The following CLYBL variants were observed in gnomAD, a reference collection of about 807,000 sequenced individuals.
CLYBL encodes the protein citramalyl-CoA lyase.
CLYBL carries 31 observed loss-of-function variants against 38.9 expected under a neutral mutation model. The observed-to-expected ratio is 0.80, with a 90% confidence interval of 0.60 to 1.08. The LOEUF (loss-of-function observed/expected upper bound fraction) is 1.08. Among genes scored for constraint, CLYBL ranks in the 50% least tolerant of loss-of-function variants. CLYBL has a pLI of 0.00. For missense variants in CLYBL, 434 were observed against 411.6 expected, an observed-to-expected ratio of 1.05 and a Z score of -0.47; for synonymous variants, 171 against 158.6, an observed-to-expected ratio of 1.08 and a Z score of -0.59.
chr13:99,715,464 G>A (rs957990453), intron 1 of CLYBL, among the ~76,000 whole-genome samples: 2 of 147,208 alleles, frequency 1.4e-5, no homozygotes, highest in Admixed American at 1.4e-4. Context: ...GTGCAGTGGT[G>A]TGATCTCAAC....
chr13:99,748,453 T>G (rs1193661076), intron 1 of CLYBL, among the ~76,000 whole-genome samples: 1 of 140,004 alleles, frequency 7.1e-6, no homozygotes, highest in East Asian at 2.1e-4. Context: ...TTTTTTTTTT[T>G]TTTTGAGATG....
At chr13:99,844,930 A>AT (rs2051164868) in intron 2 of CLYBL, among the ~76,000 whole-genome samples, 1 of 152,028 alleles carries the variant, frequency 6.6e-6, no homozygotes, top group Non-Finnish European at 1.5e-5. Flanking sequence ...GTACAATTCC[A>AT]TTTTTTCCAT....
intron 1 of CLYBL, among the ~76,000 whole-genome samples, chr13:99,662,226 C>T (rs2047418951): frequency 6.6e-6 from 1 of 152,202 alleles, no homozygotes; most frequent in South Asian, 2.1e-4. Flanking sequence ...TAAGATCCCT[C>T]TCAGCACAGA....
chr13:99,747,658 G>C (rs1193759636), intron 1 of CLYBL, among the ~76,000 whole-genome samples: 1 of 152,136 alleles, frequency 6.6e-6, no homozygotes, highest in African/African-American at 2.4e-5. Flanking sequence ...CTGGGACTTC[G>C]CTGACATAAG....
intron 1 of CLYBL, among the ~76,000 whole-genome samples, chr13:99,632,053 T>G (rs1469447869): frequency 6.6e-6 from 1 of 152,130 alleles, no homozygotes; most frequent in African/African-American, 2.4e-5. Context: ...CAAAGCTAAT[T>G]AAGTGGCCAA....
intron 1 of CLYBL, among the ~76,000 whole-genome samples, chr13:99,661,883 T>A (rs1457533265): frequency 6.6e-6 from 1 of 152,192 alleles, no homozygotes; most frequent in African/African-American, 2.4e-5. Flanking sequence ...CAGAGCACAA[T>A]AGCCTGTCAG....
intron 1 of CLYBL, among the ~76,000 whole-genome samples, chr13:99,624,940 T>C (rs930032867): frequency 6.6e-6 from 1 of 152,318 alleles, no homozygotes; most frequent in Middle Eastern, 3.4e-3. Context: ...TTTTTGGTTT[T>C]TCCCCAACTC....
chr13:99,619,856 A>G (rs1038097257), intron 1 of CLYBL, among the ~76,000 whole-genome samples: 3 of 152,212 alleles, frequency 2.0e-5, no homozygotes, highest in South Asian at 2.1e-4. Flanking sequence ...TAAAAAGTAT[A>G]TAGCTTTTTG....
intron 1 of CLYBL, among the ~76,000 whole-genome samples, chr13:99,655,108 C>G (rs2047311662): frequency 6.7e-6 from 1 of 149,100 alleles, no homozygotes; most frequent in Non-Finnish European, 1.5e-5. Flanking sequence ...CGGAGTCTTG[C>G]TGTGTCATCC....
intron 2 of CLYBL, among the ~76,000 whole-genome samples, chr13:99,776,309 A>G (rs1368856005): frequency 6.6e-6 from 1 of 151,846 alleles, no homozygotes; most frequent in Non-Finnish European, 1.5e-5. Context: ...AGCCTGGGCA[A>G]CATGGCAAAA....
intron 1 of CLYBL, among the ~76,000 whole-genome samples, chr13:99,610,114 G>A (rs2046603682): frequency 6.6e-6 from 1 of 152,158 alleles, no homozygotes; most frequent in Non-Finnish European, 1.5e-5. Context: ...TGTTGCCAAG[G>A]GTGGTCTTGA....
chr13:99,687,014 C>A (rs987474675), intron 1 of CLYBL, among the ~76,000 whole-genome samples: 7 of 152,148 alleles, frequency 4.6e-5, no homozygotes, highest in African/African-American at 1.7e-4. Context: ...CTAATAGCTC[C>A]AAGGGTCACT....
intron 1 of CLYBL, among the ~76,000 whole-genome samples, chr13:99,678,490 A>G (rs1001005536): frequency 2.0e-5 from 3 of 152,234 alleles, no homozygotes; most frequent in Admixed American, 2.0e-4. Flanking sequence ...AGCTCCCTTT[A>G]GAAAAGTGTA....
intron 7 of CLYBL, among the ~76,000 whole-genome samples, chr13:99,883,742 A>G (rs78316228): frequency 1.3e-5 from 2 of 152,036 alleles, no homozygotes; most frequent in African/African-American, 2.4e-5. Flanking sequence ...TGCAGAGCAA[A>G]GAAAACCGAC....
intron 8 of CLYBL, chr13:99,891,740 C>G: frequency 4.5e-6 from 1 of 222,914 alleles, no homozygotes; most frequent in Non-Finnish European, 8.9e-6. Context: ...ATGGATCTTT[C>G]CCAAATAGAC....
chr13:99,621,885 G>A (rs566523017), intron 1 of CLYBL, among the ~76,000 whole-genome samples: 2 of 152,284 alleles, frequency 1.3e-5, no homozygotes, highest in East Asian at 3.9e-4. Context: ...AGTTAACACA[G>A]ATTTGTTAAC....
chr13:99,624,830 C>T (rs955804741), intron 1 of CLYBL, among the ~76,000 whole-genome samples: 21 of 152,272 alleles, frequency 1.4e-4, no homozygotes, highest in Admixed American at 8.5e-4. Context: ...AGCTCAGCAT[C>T]GGGAAGCTGT....
rs556268864 is a variant in CLYBL, at chr13:99,823,756, C to G, written c.250-35105C>G. On this transcript the variant is annotated intron_variant, in intron 2 of 8. Transcript: ENST00000339105. ...CTGTGTATCTATCACTAATTCAATA[C>G]TGGACTCTCCAACAGAGCCGTAAAG... Among the ~76,000 whole-genome samples the G allele has an allele frequency of 2.0e-5, 3 of 152,286 alleles. No homozygotes were observed. The East Asian group carries it at 5.8e-4, about 29-fold the overall frequency.
intron 1 of CLYBL, among the ~76,000 whole-genome samples, chr13:99,755,368 G>A (rs747041512): frequency 2.0e-5 from 3 of 152,128 alleles, no homozygotes; most frequent in Non-Finnish European, 4.4e-5. Flanking sequence ...CTCTGATGCC[G>A]TACTAATGGT....
Sources: gnomAD v4.1 joint callset for allele counts (sites outside exome capture counted in the v4.1 genomes callset) on GRCh38, gnomAD v4.1.1 for gene constraint, MANE v1.5 for transcripts, NCBI Gene and HGNC (gene_info 2026-07-23, HGNC 2026-07-21) for gene names.